Variants in RBMS3 observed in about 807,000 individuals in gnomAD.
The protein encoded by RBMS3 is RNA binding motif single stranded interacting protein 3.
Under a neutral mutation model 66.8 loss-of-function variants are expected in RBMS3, and 27 were observed. That is an observed-to-expected ratio of 0.40 (90% confidence interval 0.30 to 0.56). The LOEUF (loss-of-function observed/expected upper bound fraction) is 0.56, where lower values mean the gene tolerates loss of function less well. RBMS3 is among the 20% of genes least tolerant of loss of function. The pLI, the probability that RBMS3 is intolerant of heterozygous loss-of-function variation, is 0.40. For synonymous variants in RBMS3, 188 were observed against 183.0 expected (o/e 1.03, Z -0.22); for missense variants, 513 against 549.5 (o/e 0.93, Z 0.66).
chr3:29,514,838 A>C (rs184606577), intron 3 of RBMS3, among the ~76,000 whole-genome samples: 2 of 151,544 alleles, frequency 1.3e-5, no homozygotes, highest in East Asian at 3.9e-4. Flanking sequence ...TAATATGAGG[A>C]TAATAGCTAA....
At chr3:29,577,943 G>A (rs1331542496) in intron 3 of RBMS3, among the ~76,000 whole-genome samples, 1 of 152,070 alleles carries the variant, frequency 6.6e-6, no homozygotes, top group Admixed American at 6.5e-5. Flanking sequence ...GCTAAAATTT[G>A]GTGTTCCTGC....
Position 30,009,519 on chromosome 3 carries a change from C to G in RBMS3, c.*5657C>G, listed in dbSNP as rs1263842610. 6.6e-6 allele frequency: 1 copy of G among 152,020 alleles called. No individual in the cohort carries two copies. The highest frequency in any genetic ancestry group is 2.1e-4 in the South Asian group (1 of 4,820). 9.4% of individuals were successfully genotyped at this position (152,020 alleles called of 1,614,324 possible). ...AGAATATATGGGAAAAAAATCATAG[C>G]AAAGAATTCAGCTTCCCTCAAAAGA... On this transcript the variant is annotated 3_prime_UTR_variant, in exon 15 of 15. Transcript: ENST00000383767.
chr3:29,519,292 G>A (rs950197133), intron 3 of RBMS3, among the ~76,000 whole-genome samples: 2 of 152,116 alleles, frequency 1.3e-5, no homozygotes, highest in Non-Finnish European at 2.9e-5. Context: ...AATAAGGCGA[G>A]GGCTGTGTCA....
At chr3:29,739,932 C>G in intron 5 of RBMS3, 55 bp downstream of exon 5, 1 of 1,340,922 alleles carries the variant, frequency 7.5e-7, no homozygotes, top group Non-Finnish European at 9.8e-7. Flanking sequence ...CTTTTAAATT[C>G]CATTCCTTTT....
intron 2 of RBMS3, among the ~76,000 whole-genome samples, chr3:29,473,063 T>TGTA (rs2042801912): frequency 6.6e-6 from 1 of 150,984 alleles, no homozygotes; most frequent in Admixed American, 6.6e-5. Context: ...TCACAAACCT[T>TGTA]GAGCTAGGCA....
intron 3 of RBMS3, among the ~76,000 whole-genome samples, chr3:29,514,069 C>T (rs2044517480): frequency 6.6e-6 from 1 of 152,096 alleles, no homozygotes; most frequent in Non-Finnish European, 1.5e-5. Flanking sequence ...TGTTTGAAGG[C>T]ACTGATTTAT....
At chr3:29,785,277 A>G (rs2149416924) in intron 6 of RBMS3, among the ~76,000 whole-genome samples, 1 of 152,224 alleles carries the variant, frequency 6.6e-6, no homozygotes, top group East Asian at 1.9e-4. Flanking sequence ...ACAAAATACT[A>G]GTGAACTGAA....
chr3:29,942,763 A>G (rs1336268513), intron 11 of RBMS3, among the ~76,000 whole-genome samples: 1 of 151,766 alleles, frequency 6.6e-6, no homozygotes, highest in East Asian at 2.0e-4. Flanking sequence ...AAAATGTCAT[A>G]AGTATATTCT....
At chr3:29,930,109 C>CTTTTCTTTTTTT (rs1553702216) in intron 10 of RBMS3, among the ~76,000 whole-genome samples, 1 of 43,556 alleles carries the variant, frequency 2.3e-5, no homozygotes, top group African/African-American at 6.3e-5. Context: ...TTCTTTCTTT[C>CTTTTCTTTTTTT]TTTTTTTTTT....
chr3:29,710,605 A>T (rs1352926481), intron 4 of RBMS3, among the ~76,000 whole-genome samples: 1 of 152,200 alleles, frequency 6.6e-6, no homozygotes, highest in Non-Finnish European at 1.5e-5. Flanking sequence ...CCTCAAAAGG[A>T]ATAGAATCAG....
chr3:29,606,472 G>A lies in RBMS3; in HGVS notation c.399+19267G>A, dbSNP rs560615014. On this transcript the variant is annotated intron_variant, in intron 4 of 14. Coordinates refer to ENST00000383767, the MANE Select transcript of RBMS3 (RefSeq NM_001003793.3). ...GGATTTCAATAACAAATAGAATTTG[G>A]AATCAGAGCTGGAGTTGGACACATT... Among the ~76,000 whole-genome samples the A allele has an allele frequency of 3.7e-3, 558 of 151,992 alleles. 1 individual carries two copies. The highest frequency in any genetic ancestry group is 5.7e-3 in the Non-Finnish European group (390 of 67,884).
intron 1 of RBMS3, among the ~76,000 whole-genome samples, chr3:29,425,601 G>A (rs2040928489): frequency 6.6e-6 from 1 of 152,004 alleles, no homozygotes; most frequent in Admixed American, 6.6e-5. Flanking sequence ...TCATGTCACT[G>A]CACTCCAGCC....
chr3:29,747,948 TTGTC>T (rs56306708), intron 5 of RBMS3, among the ~76,000 whole-genome samples: 72,094 of 151,636 alleles, frequency 0.48, 18,277 homozygotes, highest in African/African-American at 0.65. Context: ...CCTAGGTAAT[TTGTC>T]TGCCTGCTGC....
At chr3:29,482,352 CATTTTTGGTCTGCT>C (rs2043155818) in intron 2 of RBMS3, among the ~76,000 whole-genome samples, 1 of 152,142 alleles carries the variant, frequency 6.6e-6, no homozygotes, top group African/African-American at 2.4e-5. Flanking sequence ...TGAAAGTATG[CATTTTTGGTCTGCT>C]ATTTTTGTGC....
chr3:29,712,064 C>T (rs1289682147), intron 4 of RBMS3, among the ~76,000 whole-genome samples: 1 of 152,070 alleles, frequency 6.6e-6, no homozygotes, highest in African/African-American at 2.4e-5. Flanking sequence ...ATAAAGCCTA[C>T]AGCTTAAAGA....
Position 29,281,410 on chromosome 3 carries a change from G to C in RBMS3, c.-272G>C, listed in dbSNP as rs1192889105. The C allele has an allele frequency of 2.0e-6, 1 of 491,344 alleles. No homozygotes were observed. Among genetic ancestry groups the C allele is most frequent in the Non-Finnish European group, 3.6e-6 (1 of 280,366 alleles). The allele number at this position is 491,344 out of a possible 1,614,324, so 30.4% of individuals were successfully genotyped here. A position where few individuals can be genotyped will look rare whatever the true frequency, so the allele number is the denominator to read the frequency against. ...TCCCAAGTGGACCCCGGCAGCTGGG[G>C]GAAGCCAGGCAAGATCTGGGAAGGC... On this transcript the variant is annotated 5_prime_UTR_variant, in exon 1 of 15. Transcript: ENST00000383767.
chr3:29,801,700 C>T (rs1333417920), intron 6 of RBMS3, among the ~76,000 whole-genome samples: 1 of 152,132 alleles, frequency 6.6e-6, no homozygotes, highest in East Asian at 1.9e-4. Context: ...TTCCTTCTCA[C>T]TGTATTTTTT....
At chr3:29,833,857 AAAG>A (rs2058435787) in intron 6 of RBMS3, among the ~76,000 whole-genome samples, 1 of 152,112 alleles carries the variant, frequency 6.6e-6, no homozygotes, top group Non-Finnish European at 1.5e-5. Context: ...GGACTTCCCC[AAAG>A]AAGACTCACT....
chr3:29,320,115 T>A (rs2034918673), intron 1 of RBMS3, among the ~76,000 whole-genome samples: 1 of 152,068 alleles, frequency 6.6e-6, no homozygotes. Flanking sequence ...CCTAGATTTT[T>A]GTTTTCACAG....
Sources: allele counts gnomAD v4.1 joint callset (sites outside exome capture counted in the v4.1 genomes callset), GRCh38; gene constraint gnomAD v4.1.1; transcripts MANE v1.5; gene names NCBI Gene and HGNC (gene_info 2026-07-23, HGNC 2026-07-21).